NLRC3: variants seen among roughly 807,000 people sequenced by gnomAD.
The protein encoded by NLRC3 is NLR family CARD domain containing 3, also known as NLR family CARD domain-containing protein 3.
Under a neutral mutation model 91.6 loss-of-function variants are expected in NLRC3, and 87 were observed. The observed-to-expected ratio is 0.95, with a 90% confidence interval of 0.80 to 1.14. NLRC3 has a LOEUF of 1.14. NLRC3 is among the 50% of genes most tolerant of loss of function. The probability of loss-of-function intolerance (pLI) is 0.00; values close to 1 mark genes in which losing one functional copy is unlikely to be tolerated. For missense variants in NLRC3, 1,577 were observed against 1,418.6 expected (o/e 1.11, Z -1.79); for synonymous variants, 694 against 625.3 (o/e 1.11, Z -1.64).
At chr16:3,566,246 T>G (rs1280962728) in intron 2 of NLRC3, among the ~76,000 whole-genome samples, 1 of 149,758 alleles carries the variant, frequency 6.7e-6, no homozygotes, top group Non-Finnish European at 1.5e-5. Flanking sequence ...AGAGTCTGGG[T>G]GGGGGCAGGC....
chr16:3,559,493 C>T (rs1596471008), intron 6 of NLRC3, among the ~76,000 whole-genome samples: 1 of 152,024 alleles, frequency 6.6e-6, no homozygotes, highest in South Asian at 2.1e-4. Context: ...TGTGCCTGGC[C>T]CCCGAATAAT....
At chr16:3,550,381 A>G (rs777762593) in intron 11 of NLRC3, 33 bp downstream of exon 11, 2 of 1,459,848 alleles carry the variant, frequency 1.4e-6, no homozygotes, top group Non-Finnish European at 1.9e-6. Flanking sequence ...AAGAGAACCC[A>G]GGGGGAATCG....
rs755113761 is a variant in NLRC3, at chr16:3,542,148, G to A, written c.3107+43C>T. 8.0e-6 allele frequency: 11 copies of A among 1,377,106 alleles called. No individual in the cohort carries two copies. The South Asian group carries it at 9.9e-5, about 12-fold the overall frequency. 85.3% of individuals were successfully genotyped at this position (1,377,106 alleles called of 1,614,324 possible). ...CTGGGCAAAAGGCAGTGCGCCACCTGGAAGCAGTTCTAAGGGTGAGCAGGA... is the reference window on the plus strand; with the variant it reads ...CTGGGCAAAAGGCAGTGCGCCACCTAGAAGCAGTTCTAAGGGTGAGCAGGA... On this transcript the variant is annotated intron_variant, in intron 19 of 19. Transcript: ENST00000359128.
chr16:3,552,386 T>C (rs1291288536), intron 9 of NLRC3, 107 bp from the exon 10 acceptor site: 7 of 760,914 alleles, frequency 9.2e-6, no homozygotes, highest in Non-Finnish European at 1.6e-5. Flanking sequence ...CCCTCTACAT[T>C]TATTGGAGCA....
chr16:3,546,205 C>T (rs765476228), intron 15 of NLRC3, among the ~76,000 whole-genome samples: 1 of 152,076 alleles, frequency 6.6e-6, no homozygotes, highest in African/African-American at 2.4e-5. Flanking sequence ...CAAGACTAGC[C>T]TGGGCAACAT....
In NLRC3 at chr16:3,564,950, C is replaced by T; in HGVS notation, c.87G>A (p.Met29Ile). The change falls in exon 4 of 20, where the codon ATG becomes ATA. Residue 29 changes from methionine (M) to isoleucine (I), a missense_variant. Coordinates refer to ENST00000359128, the MANE Select transcript of NLRC3 (RefSeq NM_178844.4). The surrounding 1 kb of genome is among the most constrained non-coding windows in gnomAD (Gnocchi z 5.9). Reference protein sequence around the residue: ...GSPAEQVKALMDLLAGKGSQG... With the variant: ...GSPAEQVKALIDLLAGKGSQG... ...GACTGCCCTTCCCAGCCAGCAGATC[C>T]ATGAGGGCTTTCACCTGCTCGGCTG... 1 of 1,610,900 alleles carries T rather than the reference C, an allele frequency of 6.2e-7. No individual in the cohort carries two copies. The highest frequency in any genetic ancestry group is 1.7e-5 in the Admixed American group (1 of 59,980).
intron 13 of NLRC3, 68 bp downstream of exon 13, chr16:3,549,074 G>C: frequency 8.0e-7 from 1 of 1,257,536 alleles, no homozygotes; most frequent in Non-Finnish European, 1.1e-6. Context: ...GTGCCCGTCA[G>C]CCCAGGCTCG....
rs1279100279 is a variant in NLRC3, at chr16:3,564,046, A to C, written c.891T>G (p.Cys297Trp). 1 of 1,612,420 alleles carries C rather than the reference A, an allele frequency of 6.2e-7. No homozygotes were observed. Among genetic ancestry groups the C allele is most frequent in the Admixed American group, 1.7e-5 (1 of 60,026 alleles). Residue 297 changes from cysteine (C) to tryptophan (W), a missense_variant, in exon 5 of 20, where the codon TGT becomes TGG. By Grantham distance (215) the Cys-to-Trp change is radical. Coordinates refer to ENST00000359128, the MANE Select transcript of NLRC3 (RefSeq NM_178844.4). This position sits in a 1 kb window ranked among gnomAD's most constrained non-coding sequence, Gnocchi z 5.9. ...RGFNEEEIKVCLEQMFPEDQA... is the reference protein window; with the variant it reads ...RGFNEEEIKVWLEQMFPEDQA... ...GGTCCTCGGGGAACATCTGCTCCAA[A>C]CACACCTTGATCTCCTCCTCGTTAA...
intron 1 of NLRC3, among the ~76,000 whole-genome samples, chr16:3,573,668 T>C (rs1216442250): frequency 6.6e-6 from 1 of 152,196 alleles, no homozygotes; most frequent in East Asian, 1.9e-4. Context: ...ATGAGAGGAC[T>C]GCGTGGAAGA....
intron 1 of NLRC3, among the ~76,000 whole-genome samples, 172 bp downstream of exon 1, chr16:3,576,974 CTCT>C (rs2040328303): frequency 6.6e-6 from 1 of 152,294 alleles, no homozygotes; most frequent in East Asian, 1.9e-4. Context: ...CTGGCCACAT[CTCT>C]TTTTTCTACA....
In NLRC3 at chr16:3,563,488, G is replaced by A. The variant is rs1256303393; in HGVS notation, c.1449C>T (p.Gly483=). 7 of 1,591,794 alleles carry A rather than the reference G, an allele frequency of 4.4e-6. No homozygotes were observed. The highest frequency in any genetic ancestry group is 1.1e-5 in the South Asian group (1 of 87,876). ...GGAAGCCCAGCCTGGGCCAGGATACGCCGCTCTCAGTGAAGAGGTCGAAGA... is the reference window on the plus strand; with the variant it reads ...GGAAGCCCAGCCTGGGCCAGGATACACCGCTCTCAGTGAAGAGGTCGAAGA... ...RAIFDLFTES[G]VSWPRLGFLT... Residue 483 remains glycine (G), a synonymous_variant, in exon 5 of 20, where the codon GGC becomes GGT. Transcript: ENST00000359128.
rs753719144 is a variant in NLRC3, at chr16:3,541,729, G to A, written c.*96C>T. 26 of 805,498 alleles carry A rather than the reference G, an allele frequency of 3.2e-5. No homozygotes were observed. The highest frequency in any genetic ancestry group is 1.5e-4 in the Admixed American group (7 of 47,840). The allele number at this position is 805,498 out of a possible 1,614,324, so 49.9% of individuals were successfully genotyped here. ...CCGGCTCTCGTGCTGAGCAAGCAGC[G>A]TTCCCAGCTCCCAGACAGGCCCCCC... is the stretch of plus-strand genomic sequence containing the variant. On this transcript the variant is annotated 3_prime_UTR_variant, in exon 20 of 20. Transcript: ENST00000359128.
chr16:3,548,243 C>G (rs756678382), intron 14 of NLRC3, 25 bp from the exon 15 acceptor site: 14 of 1,488,360 alleles, frequency 9.4e-6, no homozygotes, highest in Non-Finnish European at 1.3e-5. Context: ...ACACATGTGA[C>G]TATGTGACTA....
Position 3,554,371 on chromosome 16 carries a change from A to G in NLRC3, c.2184-46T>C, listed in dbSNP as rs780586299. 2.0e-6 allele frequency: 3 copies of G among 1,463,802 alleles called. No individual in the cohort carries two copies. In the African/African-American group the frequency reaches 4.2e-5, roughly 20 times the overall value. The allele number at this position is 1,463,802 out of a possible 1,614,324, so 90.7% of individuals were successfully genotyped here. ...TCATCACTGATGGAGCAGAAGCTGG[A>G]ACCCAGGGGTCTGAACTCTCTCTGC... On this transcript the variant is annotated intron_variant, in intron 8 of 19. Transcript: ENST00000359128.
rs775549170 is a variant in NLRC3 at position 3,563,325 on chromosome 16, C to T, written c.1612G>A (p.Glu538Lys). The change falls in exon 5 of 20, where the codon GAG becomes AAG. Residue 538 changes from glutamate to lysine, a missense_variant. Glu to Lys is a moderately conservative substitution (Grantham distance 56). Coordinates refer to ENST00000359128, the MANE Select transcript of NLRC3 (RefSeq NM_178844.4). Reference protein sequence around the residue: ...LLAGSLLAQGEHQAYRTQVAE... With the variant: ...LLAGSLLAQGKHQAYRTQVAE... The stretch of plus-strand genomic sequence containing the variant: ...ACCTGGGTCCGGTAGGCCTGGTGCT[C>T]GCCTTGGGCCAGCAGGGAGCCGGCC... 13 of 1,595,452 alleles carry T rather than the reference C, an allele frequency of 8.1e-6. No individual in the cohort carries two copies. The highest frequency in any genetic ancestry group is 1.7e-5 in the Admixed American group (1 of 57,842).
At chr16:3,565,278 T>G in intron 3 of NLRC3, 41 bp downstream of exon 3, 1 of 685,076 alleles carries the variant, frequency 1.5e-6, no homozygotes, top group Middle Eastern at 2.5e-4. Context: ...CAGTGGATGA[T>G]AACTGGGGCC....
At chr16:3,548,988 C>G (rs17136459) in intron 13 of NLRC3, among the ~76,000 whole-genome samples, 154 bp downstream of exon 13, 3,889 of 152,278 alleles carry the variant, frequency 0.026, 156 homozygotes, top group African/African-American at 0.083. Context: ...GAGTGGGGGA[C>G]TTGCCACCCG....
At position 3,574,007 on chromosome 16, in the gene NLRC3, C is replaced by CTTTTT. The variant is rs35126359; in HGVS notation, c.-169+3137_-169+3141dup. On this transcript the variant is annotated intron_variant, in intron 1 of 19. Transcript: ENST00000359128. The stretch of plus-strand genomic sequence containing the variant: ...GCTTGGCCCATTGTAACCATTTTAT[C>CTTTTT]TTTTTTTTTTTTTTTTTTTTTTTTT... Among the ~76,000 whole-genome samples, 81 of 40,416 alleles carry CTTTTT rather than the reference C, an allele frequency of 2.0e-3. 2 individuals are homozygous for CTTTTT. Among genetic ancestry groups the CTTTTT allele is most frequent in the Admixed American group, 3.9e-3 (10 of 2,580 alleles). 26.5% of individuals were successfully genotyped at this position (40,416 alleles called of 152,430 possible).
At chr16:3,571,691 C>T (rs531896953) in intron 1 of NLRC3, among the ~76,000 whole-genome samples, 15 of 151,962 alleles carry the variant, frequency 9.9e-5, no homozygotes, top group Non-Finnish European at 1.5e-4. Flanking sequence ...CCTGTAATCC[C>T]AGCACTTTGG....
Sources: allele counts gnomAD v4.1 joint callset (sites outside exome capture counted in the v4.1 genomes callset), GRCh38; gene constraint gnomAD v4.1.1; non-coding constraint Gnocchi (gnomAD v3.1); transcripts MANE v1.5; gene names NCBI Gene and HGNC (gene_info 2026-07-23, HGNC 2026-07-21).